The following ARVCF variants were observed in gnomAD, a reference collection of about 807,000 sequenced individuals.
ARVCF encodes the protein splicing regulator ARVCF.
A neutral mutation model predicts 90.9 loss-of-function variants in ARVCF; 66 were observed. That is an observed-to-expected ratio of 0.73 (90% confidence interval 0.60 to 0.89). The LOEUF is 0.89. ARVCF is among the 40% of genes least tolerant of loss of function. The pLI is 0.00. For missense variants in ARVCF, 1,469 were observed against 1,382.3 expected (o/e 1.06, Z -1.00); for synonymous variants, 653 against 603.4 (o/e 1.08, Z -1.21).
chr22:19,977,638 C>G (rs948034843), intron 8 of ARVCF, 52 bp from the exon 9 acceptor site: 8 of 1,481,058 alleles, frequency 5.4e-6, no homozygotes, highest in Non-Finnish European at 6.3e-6. Flanking sequence ...ACAGGGCTGG[C>G]CCTCAGGAAA....
downstream of ARVCF, chr22:19,968,603 A>C: frequency 2.5e-6 from 4 of 1,614,000 alleles, no homozygotes; most frequent in Non-Finnish European, 1.7e-6. Flanking sequence ...GGTGCGCCAG[A>C]CTTCCTAGCA....
At chr22:20,010,085 C>T (rs1257450595) in intron 2 of ARVCF, among the ~76,000 whole-genome samples, 1 of 152,216 alleles carries the variant, frequency 6.6e-6, no homozygotes, top group Non-Finnish European at 1.5e-5. Context: ...GCAGGCTGTG[C>T]CAATACTGGA....
In ARVCF at chr22:20,013,183, G is replaced by A. The variant is rs367658914; in HGVS notation, c.-72-2675C>T. On this transcript the variant is annotated intron_variant, in intron 1 of 19. Transcript: ENST00000263207. The stretch of plus-strand genomic sequence containing the variant: ...CAATGCTGTCCACTACAGCAAAACC[G>A]AGTGTTCTCCTAGGCCTGCTGCCAC... Among the ~76,000 whole-genome samples, 63 of 152,340 alleles carry A rather than the reference G, an allele frequency of 4.1e-4. 4 individuals are homozygous for A. The highest frequency in any genetic ancestry group is 2.7e-3 in the East Asian group (14 of 5,190).
chr22:20,015,047 G>A (rs1305983748), intron 1 of ARVCF, among the ~76,000 whole-genome samples: 1 of 152,154 alleles, frequency 6.6e-6, no homozygotes, highest in Admixed American at 6.5e-5. Flanking sequence ...TGGTGGGTGG[G>A]GAGACTCAAA....
chr22:19,974,355 G>T, intron 11 of ARVCF, 116 bp from the exon 12 acceptor site: 2 of 1,288,454 alleles, frequency 1.6e-6, no homozygotes, highest in South Asian at 1.6e-5. Flanking sequence ...GCCAGGGATG[G>T]GTGTGGATGA....
downstream of ARVCF, among the ~76,000 whole-genome samples, chr22:19,966,576 G>C (rs9332371): frequency 5.2e-3 from 786 of 151,222 alleles, 7 homozygotes; most frequent in African/African-American, 0.018. Flanking sequence ...GAGTAGCTAG[G>C]ACTAAAGGCA....
chr22:19,968,438 T>C (rs13055002), downstream of ARVCF: 18,317 of 1,178,394 alleles, frequency 0.016, 189 homozygotes, highest in Non-Finnish European at 0.018. Context: ...GGCACAGGCG[T>C]GGTGCCGTGG....
rs986787583 is a variant in ARVCF, at chr22:19,970,404, G to A, written c.*352C>T. ...ACCACTGGGGCACTGTGTTCCCAGGGGCACCCTCCTATCCCACCAGCCCCA... is the reference window on the plus strand; with the variant it reads ...ACCACTGGGGCACTGTGTTCCCAGGAGCACCCTCCTATCCCACCAGCCCCA... On this transcript the variant is annotated 3_prime_UTR_variant, in exon 20 of 20. Coordinates refer to ENST00000263207, the MANE Select transcript of ARVCF (RefSeq NM_001670.3). The A allele has an allele frequency of 1.2e-5, 13 of 1,052,214 alleles. No individual in the cohort carries two copies. The highest frequency in any genetic ancestry group is 1.5e-5 in the Non-Finnish European group (13 of 866,962). The allele number at this position is 1,052,214 out of a possible 1,614,324, so 65.2% of individuals were successfully genotyped here. A position where few individuals can be genotyped will look rare whatever the true frequency, so the allele number is the denominator to read the frequency against.
chr22:20,000,370 A>G (rs1223090136), intron 2 of ARVCF, among the ~76,000 whole-genome samples: 11 of 152,212 alleles, frequency 7.2e-5, no homozygotes, highest in Non-Finnish European at 1.6e-4. Flanking sequence ...CCATGGCAAC[A>G]GGCCTAGACA....
intron 2 of ARVCF, among the ~76,000 whole-genome samples, chr22:19,994,071 G>C (rs1164375338): frequency 6.6e-6 from 1 of 152,150 alleles, no homozygotes; most frequent in Non-Finnish European, 1.5e-5. Context: ...GCAAAGGAGA[G>C]ACAGCGAAGG....
intron 1 of ARVCF, among the ~76,000 whole-genome samples, chr22:20,013,498 C>A (rs541908997): frequency 6.6e-6 from 1 of 152,230 alleles, no homozygotes; most frequent in African/African-American, 2.4e-5. Context: ...GGAGGCCGAG[C>A]TCCGGTCATC....
chr22:19,968,556 G>C (rs1341905822), downstream of ARVCF: 2 of 1,613,950 alleles, frequency 1.2e-6, no homozygotes, highest in African/African-American at 2.7e-5. Context: ...TGCTGCGGAA[G>C]GGGACAGTGC....
downstream of ARVCF, among the ~76,000 whole-genome samples, chr22:19,967,852 T>C (rs5993889): frequency 1.3e-5 from 2 of 152,234 alleles, no homozygotes; most frequent in East Asian, 1.9e-4. Flanking sequence ...TCTGATAGCA[T>C]AGATAGGCAA....
chr22:20,016,150 C>A (rs964966201), intron 1 of ARVCF, among the ~76,000 whole-genome samples: 5 of 152,148 alleles, frequency 3.3e-5, no homozygotes, highest in Admixed American at 1.3e-4. Context: ...TTCCCGGCGG[C>A]GCGCTGCCCC....
chr22:19,973,080 TC>T (rs1942926019), intron 14 of ARVCF, 38 bp downstream of exon 14: 2 of 1,234,806 alleles, frequency 1.6e-6, no homozygotes, highest in Non-Finnish European at 2.3e-6. Flanking sequence ...CTCCCCCACC[TC>T]CGCGGCTCCC....
rs776459604 is a variant in ARVCF, at chr22:19,972,975, C to A, written c.2500G>T (p.Glu834Ter). The change falls in exon 15 of 20, where the codon GAG becomes TAG. Residue 834 changes from glutamate to a stop codon, truncating the protein, a stop_gained. Coordinates refer to ENST00000263207, the MANE Select transcript of ARVCF (RefSeq NM_001670.3). LOFTEE classifies it high-confidence loss of function. ...HVLQTVWSYK[E>*]LRGTLQKDGW... ...TCTTTCTGCAAGGTACCACGCAGCT[C>A]CTTGTAGCTCCACACTGTCTGCAGC... The A allele has an allele frequency of 5.6e-6, 9 of 1,613,766 alleles. No individual in the cohort carries two copies. Among genetic ancestry groups the A allele is most frequent in the Admixed American group, 1.7e-5 (1 of 60,036 alleles).
chr22:19,992,483 A>G (rs1408712249), intron 2 of ARVCF, among the ~76,000 whole-genome samples: 1 of 152,174 alleles, frequency 6.6e-6, no homozygotes, highest in East Asian at 1.9e-4. Flanking sequence ...AACACAGGGG[A>G]GCCTTGTGCA....
In ARVCF at chr22:19,984,131, C is replaced by T. The variant is rs182919635; in HGVS notation, c.211-2040G>A. 5.8e-4 allele frequency among the ~76,000 whole-genome samples: 88 copies of T among 152,304 alleles called. 1 individual carries two copies. The Middle Eastern group carries it at 0.027, about 47-fold the overall frequency. On this transcript the variant is annotated intron_variant, in intron 3 of 19. Coordinates refer to ENST00000263207, the MANE Select transcript of ARVCF (RefSeq NM_001670.3). ...ATAAAGCAAGACTGAGGAAACGTTA[C>T]CCAGGACTCTGCCAGTGGGATGTAG...
At chr22:19,968,510 T>C, downstream of ARVCF, 1 of 1,607,830 alleles carries the variant, frequency 6.2e-7, no homozygotes, top group South Asian at 1.1e-5. Flanking sequence ...GACCCTCACC[T>C]CCCCCACCCC....
Sources: gnomAD v4.1 joint callset for allele counts (sites outside exome capture counted in the v4.1 genomes callset) on GRCh38, gnomAD v4.1.1 for gene constraint, MANE v1.5 for transcripts, NCBI Gene and HGNC (gene_info 2026-07-23, HGNC 2026-07-21) for gene names.